The following MYO10 variants were observed in gnomAD, a reference collection of about 807,000 sequenced individuals.
MYO10 encodes the protein unconventional myosin-X.
Under a neutral mutation model 257.3 loss-of-function variants are expected in MYO10, and 133 were observed. That is an observed-to-expected ratio of 0.52 (90% CI 0.45 to 0.60). The LOEUF (loss-of-function observed/expected upper bound fraction) is 0.60. Ranked by LOEUF, MYO10 falls within the 20% of genes least tolerant of loss-of-function variation. The pLI, the probability that MYO10 is intolerant of heterozygous loss-of-function variation, is 0.00. For synonymous variants in MYO10, 1,104 were observed against 1,028.6 expected (o/e 1.07, Z -1.40); for missense variants, 2,399 against 2,635.7 (o/e 0.91, Z 1.97).
At chr5:16,786,033 C>T (rs1164620703) in intron 4 of MYO10, among the ~76,000 whole-genome samples, 1 of 151,938 alleles carries the variant, frequency 6.6e-6, no homozygotes, top group Non-Finnish European at 1.5e-5. Context: ...CCACCTTCCG[C>T]TTGCCACCTA....
At chr5:16,729,758 C>T (rs1469298122) in intron 19 of MYO10, among the ~76,000 whole-genome samples, 1 of 152,100 alleles carries the variant, frequency 6.6e-6, no homozygotes, top group African/African-American at 2.4e-5. Flanking sequence ...GTTTTATTTT[C>T]TAGTGTGGCC....
intron 19 of MYO10, among the ~76,000 whole-genome samples, chr5:16,726,243 A>G (rs1739363469): frequency 6.6e-6 from 1 of 152,194 alleles, no homozygotes; most frequent in Admixed American, 6.5e-5. Flanking sequence ...GCATGGTTCC[A>G]TTCTGGCACA....
intron 19 of MYO10, among the ~76,000 whole-genome samples, chr5:16,735,692 A>AC (rs1375162106): frequency 1.4e-4 from 21 of 146,342 alleles, no homozygotes; most frequent in Admixed American, 1.1e-3. Flanking sequence ...CGGGAAAAAA[A>AC]AAAAAAAAAA....
intron 2 of MYO10, among the ~76,000 whole-genome samples, chr5:16,864,496 T>C (rs932146446): frequency 6.6e-6 from 1 of 152,190 alleles, no homozygotes; most frequent in African/African-American, 2.4e-5. Flanking sequence ...GCCTTGTGTA[T>C]TCAGCTAGAG....
intron 33 of MYO10, among the ~76,000 whole-genome samples, chr5:16,679,524 G>GTTTTTTTTTTTTTTTTTTCTTTTTTT (rs33919452): frequency 8.2e-6 from 1 of 122,672 alleles, no homozygotes; most frequent in African/African-American, 3.2e-5. Flanking sequence ...TTTTTTGGGT[G>GTTTTTTTTTTTTTTTTTTCTTTTTTT]TTTTTTTTTT....
chr5:16,823,467 G>GGGGGGGTTT (rs1561003861), intron 2 of MYO10, among the ~76,000 whole-genome samples: 2 of 3,978 alleles, frequency 5.0e-4, no homozygotes, highest in African/African-American at 9.8e-4. Flanking sequence ...GGGGAGTGGG[G>GGGGGGGTTT]ATTTTTTTTT....
At chr5:16,854,591 T>C (rs1322607897) in intron 2 of MYO10, among the ~76,000 whole-genome samples, 2 of 152,158 alleles carry the variant, frequency 1.3e-5, no homozygotes, top group East Asian at 3.9e-4. Flanking sequence ...GTTACAGCGT[T>C]TCTATTTTAA....
intron 4 of MYO10, among the ~76,000 whole-genome samples, chr5:16,789,735 T>C (rs250347): frequency 0.42 from 64,066 of 152,074 alleles, 13,705 homozygotes; most frequent in Non-Finnish European, 0.45. Context: ...GGAGCCGAGA[T>C]TGTGCCACCG....
Position 16,935,836 on chromosome 5 carries a change from A to G in MYO10, c.-28T>C. On this transcript the variant is annotated 5_prime_UTR_variant, in exon 1 of 41. Transcript: ENST00000513610. ...TTCCAGCGCAGTCCCGGACTCGCCG[A>G]GTGCCGCTCCGACTCGCGGAAGTCA... 1.2e-6 allele frequency: 2 copies of G among 1,611,900 alleles called. No homozygotes were observed. Among genetic ancestry groups the G allele is most frequent in the Non-Finnish European group, 1.7e-6 (2 of 1,179,216 alleles).
intron 1 of MYO10, among the ~76,000 whole-genome samples, chr5:16,919,908 C>G (rs1371871224): frequency 2.0e-5 from 3 of 152,098 alleles, no homozygotes; most frequent in Admixed American, 6.5e-5. Context: ...GTCAAGAGAT[C>G]AAGACCATCC....
At chr5:16,799,201 C>G (rs1742049689) in intron 3 of MYO10, among the ~76,000 whole-genome samples, 1 of 129,538 alleles carries the variant, frequency 7.7e-6, no homozygotes, top group Non-Finnish European at 1.7e-5. Flanking sequence ...AGCCATAGAG[C>G]ATCCTTTTAA....
At chr5:16,799,587 T>C (rs1008398100) in intron 3 of MYO10, among the ~76,000 whole-genome samples, 98 of 151,960 alleles carry the variant, frequency 6.4e-4, no homozygotes, top group African/African-American at 2.3e-3. Flanking sequence ...TCGCCTCCCG[T>C]GTTCAAGCGA....
intron 1 of MYO10, among the ~76,000 whole-genome samples, chr5:16,901,643 A>G (rs10520846): frequency 0.2 from 29,983 of 152,104 alleles, 3,577 homozygotes; most frequent in East Asian, 0.37. Context: ...CAATAATAAA[A>G]GTGATACCCA....
intron 32 of MYO10, 33 bp from the exon 33 acceptor site, chr5:16,680,137 T>TCAACGC: frequency 1.9e-6 from 3 of 1,593,440 alleles, no homozygotes; most frequent in Non-Finnish European, 2.6e-6. Flanking sequence ...CACACGCACG[T>TCAACGC]CAACGCCAAC....
chr5:16,757,310 ACACACG>A (rs764021831), intron 18 of MYO10, among the ~76,000 whole-genome samples: 4,046 of 84,054 alleles, frequency 0.048, 104 homozygotes, highest in South Asian at 0.084. Flanking sequence ...AAACACACAC[ACACACG>A]CACACACACA....
intron 2 of MYO10, among the ~76,000 whole-genome samples, chr5:16,837,438 A>C (rs2126723807): frequency 6.6e-6 from 1 of 152,354 alleles, no homozygotes; most frequent in Non-Finnish European, 1.5e-5. Flanking sequence ...TCATAGAGAC[A>C]GAAAGTAGAT....
rs1746425006 is a variant in MYO10 at position 16,935,800 on chromosome 5, G to A, written c.9C>T (p.Asn3=). 1 of 1,613,264 alleles carries A rather than the reference G, an allele frequency of 6.2e-7. No individual in the cohort carries two copies. Among genetic ancestry groups the A allele is most frequent in the Admixed American group, 1.7e-5 (1 of 59,990 alleles). MD[N]FFTEGTRVWL... The stretch of plus-strand genomic sequence containing the variant: ...GGAGCGCACTTACCTCGGTGAAGAA[G>A]TTATCCATTGTTCCAGCGCAGTCCC... Residue 3 remains asparagine (N), a synonymous_variant, in exon 1 of 41, where the codon AAC becomes AAT. Transcript: ENST00000513610.
At chr5:16,918,208 T>C (rs1045300578) in intron 1 of MYO10, among the ~76,000 whole-genome samples, 24 of 152,268 alleles carry the variant, frequency 1.6e-4, no homozygotes, top group African/African-American at 4.8e-4. Flanking sequence ...GTAAGGAAGA[T>C]GTGAAGAGTC....
At chr5:16,751,809 C>T (rs1304662302) in intron 19 of MYO10, among the ~76,000 whole-genome samples, 5 of 152,244 alleles carry the variant, frequency 3.3e-5, no homozygotes, top group Middle Eastern at 3.4e-3. Context: ...GGCACCAAGA[C>T]ATTCTTGGAA....
Sources: allele counts gnomAD v4.1 joint callset (sites outside exome capture counted in the v4.1 genomes callset), GRCh38; gene constraint gnomAD v4.1.1; transcripts MANE v1.5; gene names NCBI Gene and HGNC (gene_info 2026-07-23, HGNC 2026-07-21).